Variants in ULK4 observed in about 807,000 individuals in gnomAD.
ULK4 encodes inactive serine/threonine-protein kinase ULK4.
Under a neutral mutation model 160.6 loss-of-function variants are expected in ULK4, and 133 were observed. That is an observed-to-expected ratio of 0.83 (90% CI 0.72 to 0.96). ULK4 has a LOEUF of 0.96. Ranked by LOEUF, ULK4 falls within the 40% of genes least tolerant of loss-of-function variation. The pLI, the probability that ULK4 is intolerant of heterozygous loss-of-function variation, is 0.00. For synonymous variants in ULK4, 534 were observed against 539.8 expected (o/e 0.99, Z 0.15); for missense variants, 1,580 against 1,499.5 (o/e 1.05, Z -0.89).
chr3:41,908,821 G>A lies in ULK4; in HGVS notation c.1086-880C>T, dbSNP rs115172929. Among the ~76,000 whole-genome samples the A allele has an allele frequency of 6.7e-3, 1,018 of 152,072 alleles. 7 individuals are homozygous for A. Among genetic ancestry groups the A allele is most frequent in the African/African-American group, 0.022 (904 of 41,490 alleles). ...AATTATTTCCTTCAGGGCCGAGTGC[G>A]GTGGCTTACTCCTGTAATCCCAGCA... On this transcript the variant is annotated intron_variant, in intron 11 of 36. Transcript: ENST00000301831.
At chr3:41,775,720 C>T (rs762074087) in intron 21 of ULK4, among the ~76,000 whole-genome samples, 13 of 150,698 alleles carry the variant, frequency 8.6e-5, no homozygotes, top group Non-Finnish European at 1.6e-4. Context: ...TTTTTTTAAA[C>T]ATTGAAACAA....
chr3:41,918,315 A>G (rs1296294971), intron 7 of ULK4, 142 bp downstream of exon 7: 4 of 512,060 alleles, frequency 7.8e-6, no homozygotes, highest in Non-Finnish European at 1.3e-5. Context: ...AAATACTAAC[A>G]TTTCTAAAAA....
At chr3:41,679,854 T>C (rs1248994032) in intron 29 of ULK4, among the ~76,000 whole-genome samples, 1 of 152,216 alleles carries the variant, frequency 6.6e-6, no homozygotes, top group Non-Finnish European at 1.5e-5. Context: ...ACATTGCAGA[T>C]ATCCAAAGCA....
intron 17 of ULK4, among the ~76,000 whole-genome samples, chr3:41,868,747 T>C (rs1450862005): frequency 6.6e-6 from 1 of 152,152 alleles, no homozygotes; most frequent in East Asian, 1.9e-4. Flanking sequence ...TCCACTCGCC[T>C]TGGCCTCCCT....
At chr3:41,560,438 A>G (rs2087517085) in intron 32 of ULK4, among the ~76,000 whole-genome samples, 1 of 152,202 alleles carries the variant, frequency 6.6e-6, no homozygotes, top group African/African-American at 2.4e-5. Flanking sequence ...CATTGAATCT[A>G]TAAATTACCT....
chr3:41,255,725 C>T (rs1284475141), intron 35 of ULK4, among the ~76,000 whole-genome samples: 1 of 145,512 alleles, frequency 6.9e-6, no homozygotes, highest in Non-Finnish European at 1.5e-5. Context: ...ATATATAAAA[C>T]AAACAAATAA....
intron 8 of ULK4, among the ~76,000 whole-genome samples, chr3:41,914,597 C>A (rs964940635): frequency 1.3e-5 from 2 of 152,014 alleles, no homozygotes; most frequent in Admixed American, 1.3e-4. Context: ...CAAGTAAACC[C>A]AAAAAAATTT....
rs373320615 is a variant in ULK4 at position 41,915,218 on chromosome 3, T to C, written c.803+759A>G. Among the ~76,000 whole-genome samples the C allele has an allele frequency of 5.3e-5, 8 of 152,328 alleles. No homozygotes were observed. In the East Asian group the frequency reaches 1.5e-3, roughly 29 times the overall value. On this transcript the variant is annotated intron_variant, in intron 8 of 36. Transcript: ENST00000301831. ...AACACTAATGTTGAAAGCATTCTAA[T>C]ATAAGTAAAGGATGTTTGTCCTACA... is the stretch of plus-strand genomic sequence containing the variant.
At chr3:41,491,930 G>C (rs2643967) in intron 32 of ULK4, among the ~76,000 whole-genome samples, 66,844 of 146,622 alleles carry the variant, frequency 0.46, 15,775 homozygotes, top group Middle Eastern at 0.53. Flanking sequence ...CCCTTCCTGT[G>C]TCCATGTGTT....
chr3:41,939,553 T>G (rs1019434299), intron 2 of ULK4, among the ~76,000 whole-genome samples: 1 of 41,124 alleles, frequency 2.4e-5, no homozygotes, highest in Non-Finnish European at 3.7e-4. Flanking sequence ...GAACTTGTAT[T>G]ATTTTTATAT....
intron 32 of ULK4, among the ~76,000 whole-genome samples, chr3:41,560,409 G>A (rs1430798144): frequency 6.6e-6 from 1 of 152,184 alleles, no homozygotes; most frequent in Non-Finnish European, 1.5e-5. Flanking sequence ...GAAAGACATT[G>A]GTAGTTTGAT....
chr3:41,368,889 G>A (rs2081305452), intron 35 of ULK4, among the ~76,000 whole-genome samples: 1 of 152,012 alleles, frequency 6.6e-6, no homozygotes, highest in African/African-American at 2.4e-5. Flanking sequence ...AAAAAATACT[G>A]CTTAAAAAAT....
intron 32 of ULK4, among the ~76,000 whole-genome samples, chr3:41,521,076 G>A (rs2085915339): frequency 6.6e-6 from 1 of 152,042 alleles, no homozygotes; most frequent in African/African-American, 2.4e-5. Flanking sequence ...AGACCCTAGG[G>A]AACAAGGGAG....
chr3:41,855,543 G>T (rs1366143005), intron 17 of ULK4, among the ~76,000 whole-genome samples: 1 of 152,082 alleles, frequency 6.6e-6, no homozygotes, highest in Non-Finnish European at 1.5e-5. Flanking sequence ...TTAAAATTGG[G>T]TCCTTTAGAT....
chr3:41,858,916 C>T (rs1415762418), intron 17 of ULK4, among the ~76,000 whole-genome samples: 1 of 152,150 alleles, frequency 6.6e-6, no homozygotes, highest in Non-Finnish European at 1.5e-5. Context: ...GTTGAGACAG[C>T]TCTTCCCTCT....
chr3:41,800,215 AG>A lies in ULK4; in HGVS notation c.1926del (p.Phe643LeufsTer6). 6.2e-7 allele frequency: 1 copy of A among 1,613,880 alleles called. No homozygotes were observed. The highest frequency in any genetic ancestry group is 8.5e-7 in the Non-Finnish European group (1 of 1,179,920). On this transcript the variant is annotated frameshift_variant, in exon 20 of 37. Coordinates refer to ENST00000301831, the MANE Select transcript of ULK4 (RefSeq NM_017886.4). LOFTEE classifies it high-confidence loss of function. ...VCTTFSAQSQ[G>X]FITGEIGPIL... ...ATGGGTCCTATTTCTCCTGTAATAA[AG>A]CCCTGGGACTGAGCAGAAAAGGTGG...
intron 32 of ULK4, among the ~76,000 whole-genome samples, chr3:41,479,099 A>G (rs1213156436): frequency 1.3e-5 from 2 of 152,236 alleles, no homozygotes; most frequent in African/African-American, 4.8e-5. Context: ...TATCAATTCA[A>G]TTCCAACTTT....
rs1446405376 is a variant in ULK4 at position 41,582,582 on chromosome 3, A to C, written c.3121-16452T>G. ...GGAGCTCTTCAACTCATCTCTGAGG[A>C]GGCCTTCATCACCTTGCTTTCTGCT... On this transcript the variant is annotated intron_variant, in intron 31 of 36. Transcript: ENST00000301831. 2.6e-5 allele frequency among the ~76,000 whole-genome samples: 4 copies of C among 152,186 alleles called. No individual in the cohort carries two copies. In the East Asian group the frequency reaches 7.7e-4, roughly 29 times the overall value.
At position 41,775,021 on chromosome 3, in the gene ULK4, A is replaced by G. The variant is rs1234952881; in HGVS notation, c.2193+14640T>C. Among the ~76,000 whole-genome samples the G allele has an allele frequency of 4.2e-5, 6 of 144,446 alleles. 1 individual carries two copies. Among genetic ancestry groups the G allele is most frequent in the African/African-American group, 1.1e-4 (4 of 37,432 alleles). The allele number at this position is 144,446 out of a possible 152,430, so 94.8% of individuals were successfully genotyped here. On this transcript the variant is annotated intron_variant, in intron 21 of 36. Coordinates refer to ENST00000301831, the MANE Select transcript of ULK4 (RefSeq NM_017886.4). Reference sequence around the variant, plus strand: ...CTCACTCATAGGTGGGAATTGAACAATGGGAACACATGGACACAGGAAGGG... The same window carrying G: ...CTCACTCATAGGTGGGAATTGAACAGTGGGAACACATGGACACAGGAAGGG...
Sources: allele counts gnomAD v4.1 joint callset (sites outside exome capture counted in the v4.1 genomes callset), GRCh38; gene constraint gnomAD v4.1.1; transcripts MANE v1.5; gene names NCBI Gene and HGNC (gene_info 2026-07-23, HGNC 2026-07-21).